PIEZO2: variants seen among roughly 807,000 people sequenced by gnomAD.
PIEZO2 encodes piezo-type mechanosensitive ion channel component 2.
Under a neutral mutation model 337.3 loss-of-function variants are expected in PIEZO2, and 172 were observed. The ratio of observed to expected loss-of-function variants is 0.51; its 90% CI spans 0.45 to 0.58. PIEZO2 has a LOEUF of 0.58. PIEZO2 is among the 20% of genes least tolerant of loss of function. The probability of loss-of-function intolerance (pLI) is 0.00; values close to 1 mark genes in which losing one functional copy is unlikely to be tolerated. For synonymous variants in PIEZO2, 1,251 were observed against 1,228.5 expected, an observed-to-expected ratio of 1.02 and a Z score of -0.38; for missense variants, 3,028 against 3,391.3, an observed-to-expected ratio of 0.89 and a Z score of 2.66.
At chr18:10,983,860 C>T (rs184819999) in intron 2 of PIEZO2, among the ~76,000 whole-genome samples, 169 of 152,222 alleles carry the variant, frequency 1.1e-3, no homozygotes, top group African/African-American at 3.8e-3. Flanking sequence ...AGGTATACAA[C>T]GTTCAGTACT....
intron 1 of PIEZO2, among the ~76,000 whole-genome samples, chr18:11,130,255 G>C (rs936661734): frequency 3.3e-5 from 5 of 152,220 alleles, no homozygotes; most frequent in Non-Finnish European, 4.4e-5. Context: ...TTAACCAAGT[G>C]GTAACTCCAA....
chr18:10,881,873 C>A (rs111854261), intron 4 of PIEZO2, among the ~76,000 whole-genome samples: 2 of 152,170 alleles, frequency 1.3e-5, no homozygotes, highest in Non-Finnish European at 2.9e-5. Context: ...ATCAGCCCCA[C>A]GACAGTACTC....
intron 1 of PIEZO2, among the ~76,000 whole-genome samples, chr18:11,090,025 G>A (rs2039026396): frequency 6.6e-6 from 1 of 152,192 alleles, no homozygotes; most frequent in Non-Finnish European, 1.5e-5. Flanking sequence ...TGACCAGCCA[G>A]CAGGGCTCTT....
intron 49 of PIEZO2, among the ~76,000 whole-genome samples, chr18:10,684,323 G>T (rs2034438355): frequency 2.9e-5 from 1 of 34,466 alleles, no homozygotes; most frequent in Non-Finnish European, 6.7e-5. Context: ...CCGCCACCAT[G>T]CCTGGCTAAT....
chr18:11,026,535 C>G (rs1598849115), intron 2 of PIEZO2, among the ~76,000 whole-genome samples: 1 of 152,148 alleles, frequency 6.6e-6, no homozygotes, highest in South Asian at 2.1e-4. Context: ...TAAAAGAAAA[C>G]GAAGCACCAG....
At chr18:11,024,042 C>T (rs879919081) in intron 2 of PIEZO2, among the ~76,000 whole-genome samples, 36 of 152,206 alleles carry the variant, frequency 2.4e-4, no homozygotes, top group African/African-American at 7.7e-4. Flanking sequence ...CACACCTCCC[C>T]GCAAGCTGAG....
At chr18:11,108,931 G>C (rs2146132215) in intron 1 of PIEZO2, among the ~76,000 whole-genome samples, 1 of 152,284 alleles carries the variant, frequency 6.6e-6, no homozygotes, top group African/African-American at 2.4e-5. Flanking sequence ...ATCCTGCACA[G>C]AAACTCTTTC....
intron 16 of PIEZO2, among the ~76,000 whole-genome samples, chr18:10,786,186 C>T (rs1235805213): frequency 6.6e-6 from 1 of 152,230 alleles, no homozygotes; most frequent in African/African-American, 2.4e-5. Flanking sequence ...TACTCACTGC[C>T]TCAGCCTGTT....
chr18:10,728,912 G>A (rs199770634), intron 36 of PIEZO2, among the ~76,000 whole-genome samples: 2 of 139,090 alleles, frequency 1.4e-5, no homozygotes, highest in African/African-American at 2.7e-5. Flanking sequence ...CTGAGATGGC[G>A]CCACTGCACT....
intron 21 of PIEZO2, among the ~76,000 whole-genome samples, chr18:10,768,658 C>A (rs1239609710): frequency 6.6e-6 from 1 of 152,154 alleles, no homozygotes; most frequent in Non-Finnish European, 1.5e-5. Flanking sequence ...TGAAAGTCTG[C>A]ACAATGTGTG....
At chr18:10,959,751 A>G (rs1176148069) in intron 3 of PIEZO2, among the ~76,000 whole-genome samples, 2 of 152,166 alleles carry the variant, frequency 1.3e-5, no homozygotes, top group African/African-American at 4.8e-5. Context: ...CTCTAATATA[A>G]CAAACATCTA....
At chr18:10,975,308 G>A (rs2034401587) in intron 3 of PIEZO2, among the ~76,000 whole-genome samples, 1 of 152,172 alleles carries the variant, frequency 6.6e-6, no homozygotes, top group Non-Finnish European at 1.5e-5. Flanking sequence ...TATGTAATCT[G>A]TAATGACATA....
At chr18:10,880,691 G>A (rs1341258479) in intron 4 of PIEZO2, among the ~76,000 whole-genome samples, 1 of 151,694 alleles carries the variant, frequency 6.6e-6, no homozygotes, top group Non-Finnish European at 1.5e-5. Flanking sequence ...CACACGCTGA[G>A]AGATAGTCTA....
At position 10,982,202 on chromosome 18, in the gene PIEZO2, C is replaced by T. The variant is rs79299250; in HGVS notation, c.161-2542G>A. Among the ~76,000 whole-genome samples the T allele has an allele frequency of 0.034, 5,220 of 152,126 alleles. 122 individuals are homozygous for T. Among genetic ancestry groups the T allele is most frequent in the Non-Finnish European group, 0.053 (3,587 of 67,982 alleles). The stretch of plus-strand genomic sequence containing the variant: ...TTTTTGCTTATTTGTTTGTAAATAT[C>T]CATTACTAGGTGTATTCGGGTTCTC... On this transcript the variant is annotated intron_variant, in intron 2 of 55. Transcript: ENST00000674853. This position sits in a 1 kb window ranked among gnomAD's most constrained non-coding sequence, Gnocchi z 4.1.
chr18:10,995,077 CA>C (rs767666232), intron 2 of PIEZO2, among the ~76,000 whole-genome samples: 532 of 28,290 alleles, frequency 0.019, 3 homozygotes, highest in African/African-American at 0.065. Context: ...GACTCCGTCT[CA>C]AAAAAAAAAA....
Position 10,863,413 on chromosome 18 carries a change from C to T in PIEZO2, c.493-6202G>A, listed in dbSNP as rs749728596. On this transcript the variant is annotated intron_variant, in intron 5 of 55. Transcript: ENST00000674853. This position sits in a 1 kb window ranked among gnomAD's most constrained non-coding sequence, Gnocchi z 4.3. Reference sequence around the variant, plus strand: ...TTGGGAAGATTATTCTTCCAAACTCCTAAGATCAGCTTAAGCAGTCCCTAT... The same window carrying T: ...TTGGGAAGATTATTCTTCCAAACTCTTAAGATCAGCTTAAGCAGTCCCTAT... Among the ~76,000 whole-genome samples the T allele has an allele frequency of 6.6e-6, 1 of 152,206 alleles. No individual in the cohort carries two copies. The highest frequency in any genetic ancestry group is 1.5e-5 in the Non-Finnish European group (1 of 68,026).
chr18:10,737,298 C>CAAAAAAAAAAACAAAAAA (rs962564265), intron 33 of PIEZO2, among the ~76,000 whole-genome samples: 1 of 104,568 alleles, frequency 9.6e-6, no homozygotes, highest in African/African-American at 4.1e-5. Flanking sequence ...AAAAAAAAAA[C>CAAAAAAAAAAACAAAAAA]AAAAAAACAC....
At chr18:10,760,075 A>G (rs971807564) in intron 24 of PIEZO2, among the ~76,000 whole-genome samples, 166 bp from the exon 25 acceptor site, 11 of 152,194 alleles carry the variant, frequency 7.2e-5, no homozygotes, top group African/African-American at 2.4e-4. Flanking sequence ...CAGCGTGAAG[A>G]CAGAAATACT....
In PIEZO2 at chr18:10,942,807, G is replaced by T. The variant is rs113136361; in HGVS notation, c.287-31579C>A. On this transcript the variant is annotated intron_variant, in intron 3 of 55. Coordinates refer to ENST00000674853, the MANE Select transcript of PIEZO2 (RefSeq NM_001378183.1). This position sits in a 1 kb window ranked among gnomAD's most constrained non-coding sequence, Gnocchi z 4.4. ...TTCATGGCAGCCCCTCCCATCACAA[G>T]CCTGAAGGCCTAGGTAAAACAAGTG... Among the ~76,000 whole-genome samples, 48 of 152,266 alleles carry T rather than the reference G, an allele frequency of 3.2e-4. No individual in the cohort carries two copies. The highest frequency in any genetic ancestry group is 1.1e-3 in the African/African-American group (47 of 41,570).
Sources: allele counts gnomAD v4.1 joint callset (sites outside exome capture counted in the v4.1 genomes callset), GRCh38; gene constraint gnomAD v4.1.1; non-coding constraint Gnocchi (gnomAD v3.1); transcripts MANE v1.5; gene names NCBI Gene and HGNC (gene_info 2026-07-23, HGNC 2026-07-21).